The following KIF26B variants were observed in gnomAD, a reference collection of about 807,000 sequenced individuals.
KIF26B encodes kinesin family member 26B, also known as kinesin-like protein KIF26B.
A neutral mutation model predicts 151.2 loss-of-function variants in KIF26B; 63 were observed. The ratio of observed to expected loss-of-function variants is 0.42; its 90% CI spans 0.34 to 0.51. The LOEUF is 0.51. Among genes scored for constraint, KIF26B ranks in the 20% least tolerant of loss-of-function variants. KIF26B has a pLI of 0.07. For missense variants in KIF26B, 2,813 were observed against 2,913.6 expected, an observed-to-expected ratio of 0.97 and a Z score of 0.79; for synonymous variants, 1,357 against 1,262.1, an observed-to-expected ratio of 1.08 and a Z score of -1.59.
intron 5 of KIF26B, among the ~76,000 whole-genome samples, chr1:245,596,028 T>C (rs2043333289): frequency 1.3e-5 from 2 of 152,214 alleles, no homozygotes; most frequent in Admixed American, 6.5e-5. Flanking sequence ...TCATTTTTTA[T>C]TGTGTCTATT....
chr1:245,348,173 C>T (rs1012618730), intron 2 of KIF26B, among the ~76,000 whole-genome samples: 1 of 152,158 alleles, frequency 6.6e-6, no homozygotes, highest in Non-Finnish European at 1.5e-5. Flanking sequence ...TTCTCAATAC[C>T]TTGTGCTGGT....
intron 5 of KIF26B, among the ~76,000 whole-genome samples, chr1:245,596,471 G>T (rs2043336994): frequency 6.6e-6 from 1 of 152,192 alleles, no homozygotes; most frequent in Non-Finnish European, 1.5e-5. Flanking sequence ...GTGCAGTTTT[G>T]AGTGAGTTTC....
At chr1:245,359,545 T>C (rs371497939) in intron 2 of KIF26B, among the ~76,000 whole-genome samples, 26 of 152,180 alleles carry the variant, frequency 1.7e-4, no homozygotes, top group African/African-American at 5.3e-4. Context: ...TGTTTCATCT[T>C]TTAAAATAGA....
At chr1:245,522,070 C>T (rs191904783) in intron 4 of KIF26B, among the ~76,000 whole-genome samples, 199 of 152,148 alleles carry the variant, frequency 1.3e-3, no homozygotes, top group East Asian at 3.9e-3. Flanking sequence ...GGGGTTTCAC[C>T]GTGTTAGCCA....
intron 2 of KIF26B, among the ~76,000 whole-genome samples, chr1:245,189,883 C>T (rs984844822): frequency 6.6e-5 from 10 of 152,152 alleles, no homozygotes; most frequent in African/African-American, 9.7e-5. Flanking sequence ...GTGAAAGTCA[C>T]GTCTTACATG....
chr1:245,443,300 C>T (rs1659161548), intron 4 of KIF26B, among the ~76,000 whole-genome samples: 1 of 149,676 alleles, frequency 6.7e-6, no homozygotes, highest in Non-Finnish European at 1.5e-5. Context: ...CGGTCATCTC[C>T]CTCACTGTTC....
In KIF26B at chr1:245,702,639, C is replaced by A; in HGVS notation, c.*33C>A. On this transcript the variant is annotated 3_prime_UTR_variant, in exon 15 of 15. Coordinates refer to ENST00000407071, the MANE Select transcript of KIF26B (RefSeq NM_018012.4). This position sits in a 1 kb window ranked among gnomAD's most constrained non-coding sequence, Gnocchi z 4.1. ...AGACCCTTGTCCTAGTGGTCCCCCGCTCCCCAGGACTTCAGAGATGTTGCA... is the reference window on the plus strand; with the variant it reads ...AGACCCTTGTCCTAGTGGTCCCCCGATCCCCAGGACTTCAGAGATGTTGCA... 6.2e-7 allele frequency: 1 copy of A among 1,601,280 alleles called. No individual in the cohort carries two copies. Among genetic ancestry groups the A allele is most frequent in the Non-Finnish European group, 8.5e-7 (1 of 1,172,778 alleles).
intron 4 of KIF26B, among the ~76,000 whole-genome samples, chr1:245,521,285 C>T (rs990063193): frequency 3.3e-5 from 5 of 151,176 alleles, no homozygotes; most frequent in South Asian, 2.1e-4. Context: ...TGCAGTGAGC[C>T]GAGATCGCAC....
intron 3 of KIF26B, among the ~76,000 whole-genome samples, chr1:245,379,769 A>G (rs1673361235): frequency 6.6e-6 from 1 of 152,038 alleles, no homozygotes; most frequent in Non-Finnish European, 1.5e-5. Flanking sequence ...TCAGGAGTTC[A>G]AGACCAGCCT....
Position 245,609,303 on chromosome 1 carries a change from G to T in KIF26B, c.1689G>T (p.Met563Ile). Residue 563 changes from methionine to isoleucine, a missense_variant, in exon 8 of 15, where the codon ATG becomes ATT. Physicochemically the swap from Met to Ile is conservative, Grantham distance 10. Around this residue, in one of 3 missense-constraint regions of KIF26B, gnomAD observed 77 missense variants for 136.9 expected, o/e 0.56. Transcript: ENST00000407071. ...CCATGATCGGAAAGGATGATTCCAT[G>T]CAGAACCTGGGCATCATTCCCTGTG... ...SYTMIGKDDS[M>I]QNLGIIPCAI... 1 of 1,610,646 alleles carries T rather than the reference G, an allele frequency of 6.2e-7. No individual in the cohort carries two copies. The highest frequency in any genetic ancestry group is 1.1e-5 in the South Asian group (1 of 89,944).
intron 2 of KIF26B, among the ~76,000 whole-genome samples, chr1:245,320,411 G>T (rs762741680): frequency 6.6e-6 from 1 of 152,186 alleles, no homozygotes; most frequent in Non-Finnish European, 1.5e-5. Context: ...AGTTTCCCCT[G>T]TTATTAGCAT....
At chr1:245,458,933 C>T (rs1468695590) in intron 4 of KIF26B, among the ~76,000 whole-genome samples, 3 of 152,186 alleles carry the variant, frequency 2.0e-5, no homozygotes, top group East Asian at 1.9e-4. Context: ...AATCTCCCCA[C>T]GCTATAATTT....
At chr1:245,269,562 T>G (rs1038749610) in intron 2 of KIF26B, among the ~76,000 whole-genome samples, 4 of 151,966 alleles carry the variant, frequency 2.6e-5, no homozygotes, top group Non-Finnish European at 5.9e-5. Context: ...CCTCCTGGGT[T>G]CAAGTGATTC....
intron 2 of KIF26B, among the ~76,000 whole-genome samples, chr1:245,332,106 A>G (rs1452420764): frequency 6.6e-6 from 1 of 152,214 alleles, no homozygotes; most frequent in African/African-American, 2.4e-5. Context: ...AGCTGGGGCG[A>G]CAGAACAAGA....
intron 4 of KIF26B, among the ~76,000 whole-genome samples, chr1:245,444,878 C>A (rs1019558804): frequency 6.6e-6 from 1 of 152,132 alleles, no homozygotes; most frequent in Non-Finnish European, 1.5e-5. Flanking sequence ...TGTCTTTCTT[C>A]GAAACCAATA....
At chr1:245,214,600 C>T (rs1669605513) in intron 2 of KIF26B, among the ~76,000 whole-genome samples, 1 of 151,610 alleles carries the variant, frequency 6.6e-6, no homozygotes, top group South Asian at 2.1e-4. Flanking sequence ...AGGACATGAA[C>T]ATGTGAGGCA....
chr1:245,286,561 G>C (rs781300529), intron 2 of KIF26B, among the ~76,000 whole-genome samples: 1 of 151,874 alleles, frequency 6.6e-6, no homozygotes, highest in African/African-American at 2.4e-5. Context: ...ACAATAAAAC[G>C]TGTCAAACTC....
At chr1:245,365,546 C>T (rs1212463418) in intron 2 of KIF26B, among the ~76,000 whole-genome samples, 1 of 151,832 alleles carries the variant, frequency 6.6e-6, no homozygotes, top group Non-Finnish European at 1.5e-5. Flanking sequence ...AGCAAACCGC[C>T]TTCAGCTCTG....
Position 245,686,742 on chromosome 1 carries a change from C to T in KIF26B, c.3759C>T (p.Ile1253=). ...SSTAPVSEVS[I]TQFLPLPKMS... ...CGGCCCCCGTCTCCGAGGTCAGCAT[C>T]ACACAGTTCTTGCCCCTCCCGAAGA... Residue 1253 remains isoleucine, a synonymous_variant, in exon 12 of 15, where the codon ATC becomes ATT. Coordinates refer to ENST00000407071, the MANE Select transcript of KIF26B (RefSeq NM_018012.4). The surrounding 1 kb of genome is among the most constrained non-coding windows in gnomAD (Gnocchi z 5.6). 6.2e-7 allele frequency: 1 copy of T among 1,613,666 alleles called. No individual in the cohort carries two copies. Among genetic ancestry groups the T allele is most frequent in the Non-Finnish European group, 8.5e-7 (1 of 1,179,854 alleles).
Sources: gnomAD v4.1 joint callset for allele counts (sites outside exome capture counted in the v4.1 genomes callset) on GRCh38, gnomAD v4.1.1 for gene constraint, gnomAD v4.1.1 regional missense constraint, Gnocchi (gnomAD v3.1) non-coding constraint, MANE v1.5 for transcripts, NCBI Gene and HGNC (gene_info 2026-07-23, HGNC 2026-07-21) for gene names.